Variants in EZH2 observed in about 807,000 individuals in gnomAD.
EZH2 encodes histone-lysine N-methyltransferase EZH2.
Under a neutral mutation model 98.4 loss-of-function variants are expected in EZH2, and 18 were observed. The observed-to-expected ratio is 0.18, with a 90% CI of 0.13 to 0.27. The LOEUF (loss-of-function observed/expected upper bound fraction) is 0.27. EZH2 is among the 10% of genes least tolerant of loss of function. The probability of loss-of-function intolerance (pLI) is 1.00; values close to 1 mark genes in which losing one functional copy is unlikely to be tolerated. For synonymous variants in EZH2, 338 were observed against 312.3 expected (o/e 1.08, Z -0.87); for missense variants, 470 against 935.1 (o/e 0.50, Z 6.49).
chr7:148,824,326 AAAAC>A (rs1174275798), intron 8 of EZH2, among the ~76,000 whole-genome samples: 44 of 151,906 alleles, frequency 2.9e-4, no homozygotes, highest in African/African-American at 4.4e-4. Flanking sequence ...AAAAAAAAAA[AAAAC>A]AACAACAACA....
intron 1 of EZH2, among the ~76,000 whole-genome samples, chr7:148,882,756 C>T (rs1417973674): frequency 6.6e-6 from 1 of 152,174 alleles, no homozygotes; most frequent in African/African-American, 2.4e-5. Flanking sequence ...CTAATAATAA[C>T]TTGCTTGAAC....
intron 8 of EZH2, among the ~76,000 whole-genome samples, chr7:148,825,547 A>T (rs940908067): frequency 1.3e-5 from 2 of 152,182 alleles, no homozygotes; most frequent in African/African-American, 4.8e-5. Flanking sequence ...ACTTAGGAGG[A>T]GGTGAGGTAC....
In EZH2 at chr7:148,814,778, T is replaced by G. The variant is rs559366067; in HGVS notation, c.1672+136A>C. On this transcript the variant is annotated intron_variant, in intron 14 of 19. Transcript: ENST00000320356. ...GCACAGGGCCAGGTATGGGGCTCAA[T>G]AAATACTTGTCAAATTGATGAGTTT... The G allele has an allele frequency of 9.8e-6, 11 of 1,124,778 alleles. No individual in the cohort carries two copies. The South Asian group carries it at 1.8e-4, about 18-fold the overall frequency. 69.7% of individuals were successfully genotyped at this position (1,124,778 alleles called of 1,614,324 possible).
chr7:148,824,232 T>C (rs1807013799), intron 8 of EZH2, among the ~76,000 whole-genome samples: 1 of 152,026 alleles, frequency 6.6e-6, no homozygotes, highest in African/African-American at 2.4e-5. Flanking sequence ...GGAGAATCCT[T>C]TGAATCCAGC....
chr7:148,874,479 C>T (rs1463201395), intron 1 of EZH2, among the ~76,000 whole-genome samples: 2 of 152,060 alleles, frequency 1.3e-5, no homozygotes, highest in African/African-American at 4.8e-5. Context: ...GGAATGCTAC[C>T]TTCAGGAATT....
intron 3 of EZH2, among the ~76,000 whole-genome samples, chr7:148,843,370 C>T (rs1056004610): frequency 5.3e-5 from 8 of 151,866 alleles, no homozygotes; most frequent in African/African-American, 1.9e-4. Flanking sequence ...GACCCTGTCA[C>T]AAAAACAAAA....
chr7:148,833,972 C>A (rs1380369665), intron 3 of EZH2, among the ~76,000 whole-genome samples: 1 of 152,122 alleles, frequency 6.6e-6, no homozygotes, highest in Non-Finnish European at 1.5e-5. Flanking sequence ...ATATTTCATA[C>A]AATCTATGAT....
intron 13 of EZH2, 63 bp downstream of exon 13, chr7:148,815,443 A>C: frequency 6.6e-7 from 1 of 1,517,934 alleles, no homozygotes; most frequent in Non-Finnish European, 9.2e-7. Context: ...TACTATTCTA[A>C]AACAAATGAA....
intron 2 of EZH2, among the ~76,000 whole-genome samples, 171 bp downstream of exon 2, chr7:148,847,011 G>A (rs1213743837): frequency 6.6e-6 from 1 of 151,968 alleles, no homozygotes; most frequent in African/African-American, 2.4e-5. Context: ...TGATTAATGT[G>A]CATGGTATAA....
At position 148,807,513 on chromosome 7, in the gene EZH2, ATAAAT is replaced by A. The variant is rs1250222404; in HGVS notation, c.*128_*132del. The A allele has an allele frequency of 4.1e-6, 3 of 728,114 alleles. No individual in the cohort carries two copies. The highest frequency in any genetic ancestry group is 7.0e-6 in the Non-Finnish European group (3 of 427,764). 45.1% of individuals were successfully genotyped at this position (728,114 alleles called of 1,614,324 possible). A position where few individuals can be genotyped will look rare whatever the true frequency, so the allele number is the denominator to read the frequency against. On this transcript the variant is annotated 3_prime_UTR_variant, in exon 20 of 20. Coordinates refer to ENST00000320356, the MANE Select transcript of EZH2 (RefSeq NM_004456.5). ...AAAGTTGATTTTTAAACTCATTACT[ATAAAT>A]TATTCTTACAGTACTTTGCAAATTC...
At chr7:148,838,315 C>T (rs975955451) in intron 3 of EZH2, among the ~76,000 whole-genome samples, 3 of 152,006 alleles carry the variant, frequency 2.0e-5, no homozygotes, top group Admixed American at 6.6e-5. Context: ...AGCTCTTCCC[C>T]GCATCCTACC....
intron 1 of EZH2, among the ~76,000 whole-genome samples, chr7:148,861,121 T>C (rs1017919392): frequency 1.3e-5 from 2 of 152,204 alleles, no homozygotes; most frequent in Non-Finnish European, 2.9e-5. Flanking sequence ...ATATAACCTA[T>C]GCACATTCTC....
intron 7 of EZH2, 68 bp downstream of exon 7, chr7:148,827,096 G>A (rs1316593856): frequency 3.2e-6 from 4 of 1,240,678 alleles, no homozygotes; most frequent in Non-Finnish European, 4.6e-6. Context: ...GATTCCATTT[G>A]TAATAAACCA....
chr7:148,858,316 G>A (rs1817154290), intron 1 of EZH2, among the ~76,000 whole-genome samples: 1 of 151,428 alleles, frequency 6.6e-6, no homozygotes, highest in Non-Finnish European at 1.5e-5. Flanking sequence ...TAGTAATTAA[G>A]AGAGCTTGTA....
At chr7:148,825,615 TG>T (rs1807476094) in intron 8 of EZH2, among the ~76,000 whole-genome samples, 1 of 152,200 alleles carries the variant, frequency 6.6e-6, no homozygotes, top group African/African-American at 2.4e-5. Flanking sequence ...GGAATAAATC[TG>T]TCAATGGTAG....
intron 9 of EZH2, among the ~76,000 whole-genome samples, chr7:148,818,525 C>T (rs557428600): frequency 2.0e-5 from 3 of 152,258 alleles, no homozygotes; most frequent in Non-Finnish European, 2.9e-5. Context: ...CTAATGTGCA[C>T]GGAGTCAGAC....
intron 1 of EZH2, among the ~76,000 whole-genome samples, chr7:148,879,354 C>T (rs993512169): frequency 6.6e-5 from 10 of 152,082 alleles, no homozygotes; most frequent in African/African-American, 2.4e-4. Context: ...AGTTCCAGAC[C>T]AGCCTGGCCA....
chr7:148,869,397 G>T (rs913237549), intron 1 of EZH2, among the ~76,000 whole-genome samples: 1 of 141,976 alleles, frequency 7.0e-6, no homozygotes, highest in Non-Finnish European at 1.5e-5. Context: ...ACAGGCTGGA[G>T]TGCAGGGGTG....
intron 1 of EZH2, among the ~76,000 whole-genome samples, chr7:148,869,432 A>G (rs904415128): frequency 3.0e-5 from 4 of 135,372 alleles, no homozygotes; most frequent in Admixed American, 9.0e-5. Context: ...TGCAGTCTCT[A>G]CCTTCTGGGC....
Sources: gnomAD v4.1 joint callset for allele counts (sites outside exome capture counted in the v4.1 genomes callset) on GRCh38, gnomAD v4.1.1 for gene constraint, MANE v1.5 for transcripts, NCBI Gene and HGNC (gene_info 2026-07-23, HGNC 2026-07-21) for gene names.